SOX13: variants seen among roughly 807,000 people sequenced by gnomAD.
SOX13 encodes SRY-box transcription factor 13.
Under a neutral mutation model 71.8 loss-of-function variants are expected in SOX13, and 28 were observed. The ratio of observed to expected loss-of-function variants is 0.39; its 90% CI spans 0.29 to 0.53. SOX13 has a LOEUF of 0.53. SOX13 is among the 20% of genes least tolerant of loss of function. The pLI, the probability that SOX13 is intolerant of heterozygous loss-of-function variation, is 0.70. For missense variants in SOX13, 627 were observed against 810.3 expected (o/e 0.77, Z 2.75); for synonymous variants, 309 against 317.8 (o/e 0.97, Z 0.29).
At position 204,126,015 on chromosome 1, in the gene SOX13, G is replaced by A. The variant is rs372273280; in HGVS notation, c.1750G>A (p.Gly584Ser). Residue 584 changes from glycine to serine, a missense_variant, in exon 14 of 14, where the codon GGT becomes AGT. Transcript: ENST00000367204. ...IVNTCSLREE[G>S]EGTDDRHSVA... ...CAACACCTGCAGCCTCAGAGAGGAG[G>A]GTGAGGGCACAGATGACAGGCACTC... The A allele has an allele frequency of 1.2e-6, 2 of 1,613,996 alleles. No individual in the cohort carries two copies. Among genetic ancestry groups the A allele is most frequent in the African/African-American group, 1.3e-5 (1 of 75,038 alleles).
At chr1:204,125,235 A>C (rs537932934) in intron 13 of SOX13, among the ~76,000 whole-genome samples, 1 of 152,328 alleles carries the variant, frequency 6.6e-6, no homozygotes, top group African/African-American at 2.4e-5. Flanking sequence ...ACCCTAGTCT[A>C]TTCCTTTAAA....
At chr1:204,084,891 C>G (rs1655985380) in intron 1 of SOX13, among the ~76,000 whole-genome samples, 1 of 152,170 alleles carries the variant, frequency 6.6e-6, no homozygotes, top group Non-Finnish European at 1.5e-5. Flanking sequence ...TCCACCAGCC[C>G]TGAGGTCTCT....
At position 204,096,239 on chromosome 1, in the gene SOX13, G is replaced by GTTTTT. The variant is rs59094119; in HGVS notation, c.-1-16662_-1-16658dup. Among the ~76,000 whole-genome samples, 56 of 85,366 alleles carry GTTTTT rather than the reference G, an allele frequency of 6.6e-4. 6 individuals carry two copies. Among genetic ancestry groups the GTTTTT allele is most frequent in the South Asian group, 9.8e-4 (2 of 2,034 alleles). The allele number at this position is 85,366 out of a possible 152,430, so 56.0% of individuals were successfully genotyped here. ...CTTTTCTTTTCTTTTTCTTTCTTTC[G>GTTTTT]TTTTTTTTTTTTTTTTTTGCGACAG... On this transcript the variant is annotated intron_variant, in intron 1 of 13. Transcript: ENST00000367204.
intron 1 of SOX13, among the ~76,000 whole-genome samples, chr1:204,097,994 G>T (rs944505465): frequency 4.6e-5 from 7 of 152,044 alleles, no homozygotes; most frequent in African/African-American, 1.7e-4. Flanking sequence ...TAGTAGCTGG[G>T]ACTACAGGTG....
intron 1 of SOX13, among the ~76,000 whole-genome samples, chr1:204,109,644 C>T (rs1656537799): frequency 6.6e-6 from 1 of 152,050 alleles, no homozygotes; most frequent in South Asian, 2.1e-4. Flanking sequence ...CATGTTTATG[C>T]TATTAATTGA....
chr1:204,121,859 G>A, intron 7 of SOX13, 41 bp from the exon 8 acceptor site: 1 of 1,375,120 alleles, frequency 7.3e-7, no homozygotes, highest in Middle Eastern at 1.8e-4. Context: ...CTGCTGTTCT[G>A]TGCTCATCCA....
At chr1:204,111,425 G>A (rs1324592733) in intron 1 of SOX13, among the ~76,000 whole-genome samples, 1 of 152,160 alleles carries the variant, frequency 6.6e-6, no homozygotes, top group African/African-American at 2.4e-5. Context: ...TGTGACTTTG[G>A]AGGATAGGCA....
intron 1 of SOX13, among the ~76,000 whole-genome samples, chr1:204,085,968 CAA>C (rs761848065): frequency 2.2e-4 from 22 of 97,960 alleles, no homozygotes; most frequent in Middle Eastern, 5.2e-3. Context: ...GACTCCGTCT[CAA>C]AAAAAAAAAA....
Position 204,117,961 on chromosome 1 carries a change from A to C in SOX13, c.775+254A>C, listed in dbSNP as rs115320214. The C allele has an allele frequency of 2.4e-3, 1,172 of 479,586 alleles. 8 individuals are homozygous for C. Among genetic ancestry groups the C allele is most frequent in the African/African-American group, 0.017 (866 of 51,894 alleles). 29.7% of individuals were successfully genotyped at this position (479,586 alleles called of 1,614,324 possible). On this transcript the variant is annotated intron_variant, in intron 7 of 13. Coordinates refer to ENST00000367204, the MANE Select transcript of SOX13 (RefSeq NM_005686.3). Reference sequence around the variant, plus strand: ...TAGCAATCCAGGTCTAGTCTCTCCAACTCTAGTACATTTACTGTGTCAGAG... The same window carrying C: ...TAGCAATCCAGGTCTAGTCTCTCCACCTCTAGTACATTTACTGTGTCAGAG...
rs1656844675 is a variant in SOX13, at chr1:204,123,085, G to C, written c.1135-27G>C. On this transcript the variant is annotated intron_variant, in intron 10 of 13. Coordinates refer to ENST00000367204, the MANE Select transcript of SOX13 (RefSeq NM_005686.3). The surrounding 1 kb of genome is among the most constrained non-coding windows in gnomAD (Gnocchi z 5.0). The stretch of plus-strand genomic sequence containing the variant: ...GGAGTGGGGTGATGCAGAGGAGGCT[G>C]ATGTCAGGTTGCCCCTGTCAACCTA... 1 of 1,593,442 alleles carries C rather than the reference G, an allele frequency of 6.3e-7. No homozygotes were observed. The highest frequency in any genetic ancestry group is 1.7e-5 in the Admixed American group (1 of 59,872).
rs538333381 is a variant in SOX13, at chr1:204,116,046, A to G, written c.419-461A>G. Reference sequence around the variant, plus strand: ...CACTTACCAAGATTTTGAAAACCCTAAAGTGCAGAGAAATTGGTAACTTGC... The same window carrying G: ...CACTTACCAAGATTTTGAAAACCCTGAAGTGCAGAGAAATTGGTAACTTGC... On this transcript the variant is annotated intron_variant, in intron 4 of 13. Coordinates refer to ENST00000367204, the MANE Select transcript of SOX13 (RefSeq NM_005686.3). The G allele has an allele frequency of 1.6e-4, 93 of 599,916 alleles. 1 individual carries two copies. The highest frequency in any genetic ancestry group is 9.1e-4 in the South Asian group (45 of 49,558). The allele number at this position is 599,916 out of a possible 1,614,324, so 37.2% of individuals were successfully genotyped here. A position where few individuals can be genotyped will look rare whatever the true frequency, so the allele number is the denominator to read the frequency against.
chr1:204,120,314 G>A (rs1264089568), intron 7 of SOX13, among the ~76,000 whole-genome samples: 2 of 152,222 alleles, frequency 1.3e-5, no homozygotes. Context: ...GTGGAGGCAA[G>A]GGGACAGTGA....
intron 1 of SOX13, among the ~76,000 whole-genome samples, chr1:204,091,898 CTCTT>C (rs543861080): frequency 4.3e-4 from 65 of 152,248 alleles, no homozygotes; most frequent in African/African-American, 1.4e-3. Context: ...TTAGCTTTGG[CTCTT>C]TCTTTCTTTG....
intron 1 of SOX13, among the ~76,000 whole-genome samples, chr1:204,087,524 G>A (rs186901166): frequency 1.2e-3 from 177 of 152,324 alleles, no homozygotes; most frequent in African/African-American, 4.0e-3. Context: ...TGGTGTTTCC[G>A]GGAGGTGCTG....
chr1:204,092,080 C>A (rs1339352519), intron 1 of SOX13, among the ~76,000 whole-genome samples: 1 of 151,880 alleles, frequency 6.6e-6, no homozygotes, highest in East Asian at 1.9e-4. Context: ...TAGGGTCTTG[C>A]TCTGTTGCCC....
intron 1 of SOX13, among the ~76,000 whole-genome samples, chr1:204,090,457 G>A (rs953183844): frequency 1.6e-4 from 24 of 148,940 alleles, no homozygotes; most frequent in Non-Finnish European, 4.4e-5. Flanking sequence ...CACCCAGGCT[G>A]GAGTATAGTG....
intron 1 of SOX13, among the ~76,000 whole-genome samples, chr1:204,082,577 C>G (rs1261503216): frequency 1.3e-5 from 2 of 152,100 alleles, no homozygotes. Context: ...CCCCCTCGCC[C>G]GGGAGCACTT....
intron 1 of SOX13, among the ~76,000 whole-genome samples, chr1:204,103,754 G>A (rs572277000): frequency 3.3e-5 from 5 of 152,204 alleles, no homozygotes; most frequent in Admixed American, 6.5e-5. Context: ...GGGAAACAAG[G>A]ATGAGGCCTA....
intron 1 of SOX13, among the ~76,000 whole-genome samples, chr1:204,101,010 CCTT>C (rs111619873): frequency 1.1e-4 from 16 of 152,356 alleles, no homozygotes; most frequent in African/African-American, 3.8e-4. Context: ...AGCCCCTAGA[CCTT>C]CTGTCAAGGT....
Sources: allele counts gnomAD v4.1 joint callset (sites outside exome capture counted in the v4.1 genomes callset), GRCh38; gene constraint gnomAD v4.1.1; non-coding constraint Gnocchi (gnomAD v3.1); transcripts MANE v1.5; gene names NCBI Gene and HGNC (gene_info 2026-07-23, HGNC 2026-07-21).